IARS2: variants seen among roughly 807,000 people sequenced by gnomAD.
IARS2 encodes the protein isoleucyl-tRNA synthetase 2, mitochondrial, also known as isoleucine--tRNA ligase, mitochondrial.
Under a neutral mutation model 126.3 loss-of-function variants are expected in IARS2, and 56 were observed. That is an observed-to-expected ratio of 0.44 (90% confidence interval 0.36 to 0.55). The LOEUF (loss-of-function observed/expected upper bound fraction) is 0.55, where lower values mean the gene tolerates loss of function less well. IARS2 is among the 20% of genes least tolerant of loss of function. The probability of loss-of-function intolerance (pLI) is 0.00; values close to 1 mark genes in which losing one functional copy is unlikely to be tolerated. For missense variants in IARS2, 1,127 were observed against 1,245.9 expected (o/e 0.90, Z 1.44); for synonymous variants, 407 against 441.1 (o/e 0.92, Z 0.97).
chr1:220,094,554 G>A (rs931293425), intron 1 of IARS2, 71 bp downstream of exon 1: 187 of 1,319,908 alleles, frequency 1.4e-4, no homozygotes, highest in Middle Eastern at 8.1e-4. Flanking sequence ...GCGCTCGCAG[G>A]CGCCACACCT....
intron 21 of IARS2, chr1:220,144,494 T>C: frequency 2.1e-6 from 1 of 479,192 alleles, no homozygotes; most frequent in South Asian, 2.4e-5. Flanking sequence ...AGATTTGAGC[T>C]TGAAATAGCT....
Position 220,142,942 on chromosome 1 carries a change from A to G in IARS2, c.2561-2A>G. Reference sequence around the variant, plus strand: ...CAGTTTACTATTTTTGTTCTTCTGAAGAGCCCAAGAGTGTTTTCCGTACTG... The same window carrying G: ...CAGTTTACTATTTTTGTTCTTCTGAGGAGCCCAAGAGTGTTTTCCGTACTG... On this transcript the variant is annotated splice_acceptor_variant, in intron 20 of 22. Coordinates refer to ENST00000366922, the MANE Select transcript of IARS2 (RefSeq NM_018060.4). LOFTEE classifies it high-confidence loss of function. The G allele has an allele frequency of 6.3e-7, 1 of 1,587,614 alleles. No individual in the cohort carries two copies. Among genetic ancestry groups the G allele is most frequent in the Non-Finnish European group, 8.6e-7 (1 of 1,163,778 alleles).
At chr1:220,124,980 G>T (rs545338698) in intron 12 of IARS2, among the ~76,000 whole-genome samples, 1 of 152,154 alleles carries the variant, frequency 6.6e-6, no homozygotes, top group African/African-American at 2.4e-5. Flanking sequence ...TAATTAGAAG[G>T]CTTTGAGTAT....
Position 220,106,033 on chromosome 1 carries a change from TGTAGC to T in IARS2, c.1212_1216del (p.Ala405SerfsTer23). ...CAGCTCATGGTATGGAAGACTACGG[TGTAGC>T]GTCTCAGCACAACCTGCCCATGGTA... On this transcript the variant is annotated frameshift_variant, in exon 9 of 23. Transcript: ENST00000366922. LOFTEE classifies it high-confidence loss of function. 2 of 1,613,982 alleles carry T rather than the reference TGTAGC, an allele frequency of 1.2e-6. No homozygotes were observed. The highest frequency in any genetic ancestry group is 1.7e-6 in the Non-Finnish European group (2 of 1,179,888).
intron 2 of IARS2, among the ~76,000 whole-genome samples, chr1:220,098,935 G>A (rs1003509498): frequency 5.9e-5 from 9 of 152,106 alleles, no homozygotes; most frequent in African/African-American, 2.2e-4. Context: ...GCAAGCGGCT[G>A]GGCGTGGTGG....
chr1:220,097,178 A>G (rs533298245), intron 2 of IARS2, among the ~76,000 whole-genome samples: 2 of 151,042 alleles, frequency 1.3e-5, no homozygotes, highest in South Asian at 4.1e-4. Context: ...TGGCTTTTTT[A>G]CTGTAGAGTC....
rs1211199061 is a variant in IARS2 at position 220,109,934 on chromosome 1, C to T, written c.1328-852C>T. Among the ~76,000 whole-genome samples the T allele has an allele frequency of 3.9e-5, 6 of 152,120 alleles. No individual in the cohort carries two copies. In the East Asian group the frequency reaches 5.8e-4, roughly 15 times the overall value. On this transcript the variant is annotated intron_variant, in intron 10 of 22. Transcript: ENST00000366922. ...TATAATCTGTTCATCTTTTCTTTGA[C>T]GTGAAAAGAGGTAGAAGTGGCATAA...
rs376619361 is a variant in IARS2 at position 220,134,523 on chromosome 1, G to T, written c.1946+13G>T. ...GAGCACCTTATAAGTAAGTATTTATGCCTGAACCAACCTGCTGAGTACCTG... is the reference window on the plus strand; with the variant it reads ...GAGCACCTTATAAGTAAGTATTTATTCCTGAACCAACCTGCTGAGTACCTG... On this transcript the variant is annotated intron_variant, in intron 15 of 22. Coordinates refer to ENST00000366922, the MANE Select transcript of IARS2 (RefSeq NM_018060.4). 1 of 1,561,080 alleles carries T rather than the reference G, an allele frequency of 6.4e-7. No homozygotes were observed.
At chr1:220,101,131 T>C (rs1362300674) in intron 3 of IARS2, among the ~76,000 whole-genome samples, 1 of 152,190 alleles carries the variant, frequency 6.6e-6, no homozygotes. Context: ...TACTTCCTTG[T>C]GAAACCTATT....
At position 220,102,790 on chromosome 1, in the gene IARS2, T is replaced by C. The variant is rs763844430; in HGVS notation, c.950+13T>C. On this transcript the variant is annotated intron_variant, in intron 7 of 22. Transcript: ENST00000366922. ...TGCCTGAATCAAAGTGGGTATATTA[T>C]TGCATTTTTTGTTTTATACACAAAT... 129 of 1,489,624 alleles carry C rather than the reference T, an allele frequency of 8.7e-5. No homozygotes were observed. The highest frequency in any genetic ancestry group is 1.2e-4 in the Non-Finnish European group (124 of 1,067,442). 92.3% of individuals were successfully genotyped at this position (1,489,624 alleles called of 1,614,324 possible). A position where few individuals can be genotyped will look rare whatever the true frequency, so the allele number is the denominator to read the frequency against.
At position 220,110,678 on chromosome 1, in the gene IARS2, A is replaced by G. The variant is rs182569924; in HGVS notation, c.1328-108A>G. The G allele has an allele frequency of 8.5e-5, 71 of 836,638 alleles. No individual in the cohort carries two copies. The African/African-American group carries it at 8.9e-4, about 10-fold the overall frequency. The allele number at this position is 836,638 out of a possible 1,614,324, so 51.8% of individuals were successfully genotyped here. A position where few individuals can be genotyped will look rare whatever the true frequency, so the allele number is the denominator to read the frequency against. On this transcript the variant is annotated intron_variant, in intron 10 of 22. Transcript: ENST00000366922. Reference sequence around the variant, plus strand: ...TGTGGCTGGCAAGGTGACTACTCTTATTGCCACCTGTTGCTGCAGATTTAG... The same window carrying G: ...TGTGGCTGGCAAGGTGACTACTCTTGTTGCCACCTGTTGCTGCAGATTTAG...
Position 220,096,138 on chromosome 1 carries a change from G to C in IARS2, c.302G>C (p.Arg101Thr). ...TTTTCAGAACTTTATTCATGGCAAA[G>C]AGAAAGAAAAGTAAAGACAGAATTT... is the stretch of plus-strand genomic sequence containing the variant. Reference protein sequence around the residue: ...CGFSELYSWQRERKVKTEFCL... With the variant: ...CGFSELYSWQTERKVKTEFCL... Residue 101 changes from arginine to threonine, a missense_variant, in exon 2 of 23, where the codon AGA becomes ACA. Coordinates refer to ENST00000366922, the MANE Select transcript of IARS2 (RefSeq NM_018060.4). 6.6e-7 allele frequency: 1 copy of C among 1,525,314 alleles called. No homozygotes were observed. Among genetic ancestry groups the C allele is most frequent in the Non-Finnish European group, 9.1e-7 (1 of 1,104,616 alleles). The allele number at this position is 1,525,314 out of a possible 1,614,324, so 94.5% of individuals were successfully genotyped here. A position where few individuals can be genotyped will look rare whatever the true frequency, so the allele number is the denominator to read the frequency against.
chr1:220,139,911 T>G (rs1657452736), intron 18 of IARS2, among the ~76,000 whole-genome samples: 1 of 152,232 alleles, frequency 6.6e-6, no homozygotes, highest in Admixed American at 6.5e-5. Context: ...TTTGCTGTTG[T>G]TAAAATGGTG....
intron 19 of IARS2, 32 bp downstream of exon 19, chr1:220,140,321 A>G: frequency 7.6e-7 from 1 of 1,320,250 alleles, no homozygotes; most frequent in Non-Finnish European, 1.1e-6. Flanking sequence ...AATGCTTAAC[A>G]ATGGCCAGGT....
chr1:220,114,262 G>T, intron 11 of IARS2, 52 bp from the exon 12 acceptor site: 1 of 1,514,608 alleles, frequency 6.6e-7, no homozygotes, highest in Non-Finnish European at 9.2e-7. Flanking sequence ...GACTGTTCTA[G>T]AATACTTGTT....
rs1260679218 is a variant in IARS2, at chr1:220,145,550, T to G, written c.2793T>G (p.Asn931Lys). The G allele has an allele frequency of 1.9e-6, 3 of 1,613,620 alleles. No individual in the cohort carries two copies. Among genetic ancestry groups the G allele is most frequent in the Non-Finnish European group, 2.5e-6 (3 of 1,179,710 alleles). ...SEETSSTSQL[N>K]ELMMASESTL... ...AGACTTCCAGCACCTCTCAGTTGAA[T>G]GAATTAATGATGGCTTCTGAGTCAA... Residue 931 changes from asparagine to lysine, a missense_variant, in exon 22 of 23, where the codon AAT becomes AAG. Physicochemically the swap from Asn to Lys is moderately conservative, Grantham distance 94 (BLOSUM62 0). Coordinates refer to ENST00000366922, the MANE Select transcript of IARS2 (RefSeq NM_018060.4).
chr1:220,136,589 A>G (rs534646311), intron 15 of IARS2, among the ~76,000 whole-genome samples: 55 of 145,412 alleles, frequency 3.8e-4, no homozygotes, highest in African/African-American at 1.3e-3. Flanking sequence ...AGCCGACATC[A>G]TGCCACTGCA....
chr1:220,135,048 G>A (rs541141446), intron 15 of IARS2, among the ~76,000 whole-genome samples: 4 of 152,262 alleles, frequency 2.6e-5, no homozygotes, highest in South Asian at 2.1e-4. Flanking sequence ...GATTATAGGC[G>A]TGAGCCACCA....
At chr1:220,094,608 T>G (rs1656398115) in intron 1 of IARS2, 125 bp downstream of exon 1, 3 of 767,900 alleles carry the variant, frequency 3.9e-6, no homozygotes, top group African/African-American at 3.7e-5. Flanking sequence ...GTGACCAGAT[T>G]GGTGGAATTC....
Sources: gnomAD v4.1 joint callset for allele counts (sites outside exome capture counted in the v4.1 genomes callset) on GRCh38, gnomAD v4.1.1 for gene constraint, MANE v1.5 for transcripts, NCBI Gene and HGNC (gene_info 2026-07-23, HGNC 2026-07-21) for gene names.